The following CNTNAP2 variants were observed in gnomAD, a reference collection of about 807,000 sequenced individuals.
The protein encoded by CNTNAP2 is contactin associated protein 2.
Under a neutral mutation model 155.2 loss-of-function variants are expected in CNTNAP2, and 98 were observed. The observed-to-expected ratio is 0.63, with a 90% CI of 0.54 to 0.75. The LOEUF is 0.75. Among genes scored for constraint, CNTNAP2 ranks in the 30% least tolerant of loss-of-function variants. The pLI is 0.00. For missense variants in CNTNAP2, 1,727 were observed against 1,688.1 expected (o/e 1.02, Z -0.40); for synonymous variants, 651 against 631.2 (o/e 1.03, Z -0.47).
intron 10 of CNTNAP2, among the ~76,000 whole-genome samples, chr7:147,454,781 G>A (rs1263722935): frequency 4.0e-5 from 6 of 151,516 alleles, no homozygotes; most frequent in Admixed American, 6.6e-5. Flanking sequence ...TAAAAGTCCT[G>A]CAGCAGATAT....
chr7:147,790,210 G>A (rs1290553180), intron 13 of CNTNAP2, among the ~76,000 whole-genome samples: 1 of 152,090 alleles, frequency 6.6e-6, no homozygotes, highest in Non-Finnish European at 1.5e-5. Flanking sequence ...TCCTGTGTCA[G>A]AAAGTCCACC....
intron 13 of CNTNAP2, among the ~76,000 whole-genome samples, chr7:147,641,154 A>C (rs75137173): frequency 0.029 from 4,323 of 146,790 alleles, 79 homozygotes; most frequent in Non-Finnish European, 0.042. Context: ...CTGCTAGACA[A>C]GAAACATTTT....
chr7:146,288,130 T>C (rs1800367019), intron 1 of CNTNAP2, among the ~76,000 whole-genome samples: 1 of 151,694 alleles, frequency 6.6e-6, no homozygotes, highest in Non-Finnish European at 1.5e-5. Flanking sequence ...GGACCCCGTC[T>C]CTACTAAAAA....
At chr7:148,134,402 C>T (rs918642004) in intron 16 of CNTNAP2, among the ~76,000 whole-genome samples, 1 of 152,272 alleles carries the variant, frequency 6.6e-6, no homozygotes, top group Admixed American at 6.5e-5. Flanking sequence ...AACATCAGAA[C>T]ATGCTGGCAT....
intron 1 of CNTNAP2, among the ~76,000 whole-genome samples, chr7:146,598,711 A>G (rs921934230): frequency 1.4e-4 from 22 of 152,066 alleles, no homozygotes; most frequent in Non-Finnish European, 1.6e-4. Context: ...AGAGCGCCTC[A>G]GATTTTCTTT....
At chr7:148,409,865 C>A (rs1239130609) in intron 23 of CNTNAP2, among the ~76,000 whole-genome samples, 2 of 92,166 alleles carry the variant, frequency 2.2e-5, no homozygotes, top group African/African-American at 4.8e-5. Flanking sequence ...TCTTGGCTAA[C>A]ACGGTGAAAC....
At chr7:147,932,015 A>G (rs1395824533) in intron 14 of CNTNAP2, among the ~76,000 whole-genome samples, 1 of 152,074 alleles carries the variant, frequency 6.6e-6, no homozygotes, top group Admixed American at 6.5e-5. Context: ...CCTCACAAGT[A>G]ACTGGAACTA....
At chr7:146,921,708 G>T (rs1796502774) in intron 3 of CNTNAP2, among the ~76,000 whole-genome samples, 1 of 152,048 alleles carries the variant, frequency 6.6e-6, no homozygotes, top group African/African-American at 2.4e-5. Context: ...TGACATGTGG[G>T]GATTATTGCA....
chr7:146,315,994 G>GT (rs1316035619), intron 1 of CNTNAP2, among the ~76,000 whole-genome samples: 2 of 152,042 alleles, frequency 1.3e-5, no homozygotes, highest in Admixed American at 1.3e-4. Flanking sequence ...ATTTCTTTCA[G>GT]TTTTTTGAAA....
intron 8 of CNTNAP2, among the ~76,000 whole-genome samples, chr7:147,191,259 A>C (rs1802676208): frequency 6.6e-6 from 1 of 152,196 alleles, no homozygotes; most frequent in Non-Finnish European, 1.5e-5. Flanking sequence ...CCTCGAATAT[A>C]GTATATTTTC....
intron 17 of CNTNAP2, among the ~76,000 whole-genome samples, chr7:148,157,247 T>A (rs541775480): frequency 6.6e-6 from 1 of 152,316 alleles, no homozygotes; most frequent in South Asian, 2.1e-4. Flanking sequence ...AATAAATGAA[T>A]ACGTTTATTT....
At chr7:148,085,737 TGTCA>T (rs1176722085) in intron 15 of CNTNAP2, among the ~76,000 whole-genome samples, 2 of 148,654 alleles carry the variant, frequency 1.3e-5, no homozygotes, top group African/African-American at 4.9e-5. Flanking sequence ...CCTTCCTTCC[TGTCA>T]GTCTGTCTTG....
At chr7:147,022,437 C>T (rs1246177669) in intron 3 of CNTNAP2, among the ~76,000 whole-genome samples, 1 of 152,046 alleles carries the variant, frequency 6.6e-6, no homozygotes, top group Non-Finnish European at 1.5e-5. Flanking sequence ...TGGATTTTCA[C>T]TATGCAGAAG....
intron 1 of CNTNAP2, among the ~76,000 whole-genome samples, chr7:146,556,099 A>G (rs978622947): frequency 1.3e-5 from 2 of 152,216 alleles, no homozygotes; most frequent in Non-Finnish European, 2.9e-5. Context: ...TATTCTTTCA[A>G]CAAATACACA....
chr7:148,387,804 G>A (rs1424409444), intron 22 of CNTNAP2, among the ~76,000 whole-genome samples: 2 of 152,094 alleles, frequency 1.3e-5, no homozygotes, highest in Non-Finnish European at 2.9e-5. Context: ...TCTGTCAGAG[G>A]TGTCTGAACC....
At chr7:146,297,892 CACAG>C (rs1193432763) in intron 1 of CNTNAP2, among the ~76,000 whole-genome samples, 1 of 152,032 alleles carries the variant, frequency 6.6e-6, no homozygotes, top group Non-Finnish European at 1.5e-5. Flanking sequence ...CCCTTGCATA[CACAG>C]ACACACACGT....
intron 19 of CNTNAP2, among the ~76,000 whole-genome samples, chr7:148,218,671 T>C (rs1219893686): frequency 6.6e-6 from 1 of 152,122 alleles, no homozygotes; most frequent in Non-Finnish European, 1.5e-5. Context: ...ATGACAGGCA[T>C]GAGCCACCAT....
rs141606679 is a variant in CNTNAP2 at position 147,587,293 on chromosome 7, A to C, written c.1897+25036A>C. On this transcript the variant is annotated intron_variant, in intron 12 of 23. Transcript: ENST00000361727. ...GACAAGACGCAGGTCTAGAGCTCAT[A>C]AGACTGGTGACAATTTCACTTATTT... Among the ~76,000 whole-genome samples, 18 of 152,294 alleles carry C rather than the reference A, an allele frequency of 1.2e-4. No individual in the cohort carries two copies. In the East Asian group the frequency reaches 3.5e-3, roughly 29 times the overall value.
At chr7:147,560,123 G>A (rs980642909) in intron 11 of CNTNAP2, among the ~76,000 whole-genome samples, 6 of 133,444 alleles carry the variant, frequency 4.5e-5, no homozygotes, top group Non-Finnish European at 9.2e-5. Flanking sequence ...AGCCGAGATC[G>A]CGCCATTGCA....
Sources: gnomAD v4.1 joint callset for allele counts (sites outside exome capture counted in the v4.1 genomes callset) on GRCh38, gnomAD v4.1.1 for gene constraint, MANE v1.5 for transcripts, NCBI Gene and HGNC (gene_info 2026-07-23, HGNC 2026-07-21) for gene names.